The following COG5 variants were observed in gnomAD, a reference collection of about 807,000 sequenced individuals.
COG5 encodes conserved oligomeric Golgi complex subunit 5.
A neutral mutation model predicts 110.4 loss-of-function variants in COG5; 86 were observed. The observed-to-expected ratio is 0.78, with a 90% confidence interval of 0.65 to 0.93. The LOEUF (loss-of-function observed/expected upper bound fraction) is 0.93, where lower values mean the gene tolerates loss of function less well. Ranked by LOEUF, COG5 falls within the 40% of genes least tolerant of loss-of-function variation. The pLI is 0.00. For missense variants in COG5, 1,077 were observed against 987.0 expected (o/e 1.09, Z -1.22); for synonymous variants, 360 against 334.6 (o/e 1.08, Z -0.83).
At chr7:107,438,060 G>GT in intron 6 of COG5, among the ~76,000 whole-genome samples, 1 of 152,128 alleles carries the variant, frequency 6.6e-6, no homozygotes, top group East Asian at 1.9e-4. Flanking sequence ...TTCAACGCCT[G>GT]AAGATAAAGC....
intron 3 of COG5, among the ~76,000 whole-genome samples, chr7:107,550,891 GTTTT>G (rs75923322): frequency 1.0e-3 from 142 of 141,812 alleles, no homozygotes; most frequent in African/African-American, 3.4e-3. Context: ...CTTGTACTTT[GTTTT>G]TTTTTTTTTA....
intron 17 of COG5, among the ~76,000 whole-genome samples, chr7:107,237,068 A>G (rs1562927385): frequency 6.6e-6 from 1 of 152,258 alleles, no homozygotes; most frequent in South Asian, 2.1e-4. Context: ...GAATGCATCA[A>G]TAATGGATCC....
intron 7 of COG5, among the ~76,000 whole-genome samples, chr7:107,411,229 G>A (rs1584787976): frequency 2.0e-5 from 3 of 152,180 alleles, no homozygotes; most frequent in African/African-American, 7.2e-5. Flanking sequence ...TCTTAGGAAG[G>A]TAACTGCCCT....
chr7:107,425,335 T>A (rs1425268029), intron 6 of COG5, among the ~76,000 whole-genome samples: 1 of 145,400 alleles, frequency 6.9e-6, no homozygotes, highest in African/African-American at 2.5e-5. Context: ...GGGGTGAGAC[T>A]CTGTCTCCAA....
At chr7:107,434,173 G>A (rs1243011552) in intron 6 of COG5, among the ~76,000 whole-genome samples, 1 of 152,110 alleles carries the variant, frequency 6.6e-6, no homozygotes, top group Non-Finnish European at 1.5e-5. Context: ...AATAACAACT[G>A]TTGGCAAGGA....
At chr7:107,316,485 CAT>C (rs1015432030) in intron 11 of COG5, among the ~76,000 whole-genome samples, 8 of 151,818 alleles carry the variant, frequency 5.3e-5, no homozygotes, top group Admixed American at 3.9e-4. Flanking sequence ...TAAAGGAAGA[CAT>C]GTGGAGAATA....
intron 21 of COG5, chr7:107,207,841 G>A (rs1236258665): frequency 2.3e-5 from 23 of 985,316 alleles, no homozygotes; most frequent in Non-Finnish European, 2.8e-5. Context: ...AAAACAGGAA[G>A]GCAGGATGGT....
chr7:107,319,094 C>T (rs1809018401), intron 11 of COG5, among the ~76,000 whole-genome samples: 1 of 151,098 alleles, frequency 6.6e-6, no homozygotes, highest in Non-Finnish European at 1.5e-5. Flanking sequence ...TTCTAGTTCA[C>T]TGATTTTTTT....
chr7:107,523,467 CAT>C (rs1439787425), intron 6 of COG5, among the ~76,000 whole-genome samples: 4 of 152,066 alleles, frequency 2.6e-5, no homozygotes, highest in African/African-American at 7.2e-5. Context: ...GACAGTGTAA[CAT>C]GTGTTGGCAT....
chr7:107,486,659 G>A (rs369379485), intron 6 of COG5, among the ~76,000 whole-genome samples: 2 of 152,048 alleles, frequency 1.3e-5, no homozygotes, highest in Admixed American at 6.5e-5. Flanking sequence ...ATAATCCCAG[G>A]ATTTAAAAAA....
chr7:107,379,429 T>C (rs925871508), intron 7 of COG5, among the ~76,000 whole-genome samples: 1 of 151,964 alleles, frequency 6.6e-6, no homozygotes, highest in Admixed American at 6.6e-5. Flanking sequence ...CAATATTAAC[T>C]TTAAAAGTAA....
At chr7:107,555,801 CAG>C (rs778185271) in intron 2 of COG5, among the ~76,000 whole-genome samples, 2 of 152,026 alleles carry the variant, frequency 1.3e-5, no homozygotes, top group Non-Finnish European at 2.9e-5. Context: ...CATTTGAGGT[CAG>C]GAGTTTGAGA....
chr7:107,293,136 A>G (rs1220152269), intron 12 of COG5, among the ~76,000 whole-genome samples: 1 of 152,134 alleles, frequency 6.6e-6, no homozygotes, highest in Non-Finnish European at 1.5e-5. Flanking sequence ...CTTTCAGTTT[A>G]TATTTCCCAG....
intron 6 of COG5, among the ~76,000 whole-genome samples, chr7:107,436,633 T>A (rs548247678): frequency 5.3e-5 from 8 of 152,324 alleles, no homozygotes; most frequent in African/African-American, 1.9e-4. Context: ...GACAAAAAAG[T>A]TCTATTTTAT....
intron 6 of COG5, among the ~76,000 whole-genome samples, chr7:107,459,988 C>T (rs1795890908): frequency 6.6e-6 from 1 of 152,076 alleles, no homozygotes; most frequent in Non-Finnish European, 1.5e-5. Flanking sequence ...AGCCATTAAA[C>T]TAACCTAAAC....
In COG5 at chr7:107,271,242, T is replaced by C. The variant is rs541264052; in HGVS notation, c.1575+10058A>G. On this transcript the variant is annotated intron_variant, in intron 14 of 21. Transcript: ENST00000297135. ...GCCTGGGCAACACAGCAAGACTCCATCCCTTGAAACAAGTGTCTTGGTTAT... is the reference window on the plus strand; with the variant it reads ...GCCTGGGCAACACAGCAAGACTCCACCCCTTGAAACAAGTGTCTTGGTTAT... Among the ~76,000 whole-genome samples the C allele has an allele frequency of 2.6e-5, 4 of 152,064 alleles. No homozygotes were observed. The East Asian group carries it at 7.7e-4, about 29-fold the overall frequency.
intron 11 of COG5, among the ~76,000 whole-genome samples, chr7:107,314,402 C>T (rs1400307276): frequency 6.6e-6 from 1 of 151,998 alleles, no homozygotes; most frequent in Non-Finnish European, 1.5e-5. Flanking sequence ...GATATGTACA[C>T]TTTTTCTTAA....
At chr7:107,523,655 A>T (rs1800499647) in intron 6 of COG5, among the ~76,000 whole-genome samples, 1 of 152,148 alleles carries the variant, frequency 6.6e-6, no homozygotes, top group African/African-American at 2.4e-5. Flanking sequence ...TCTCTACTAA[A>T]TATACAAAAA....
chr7:107,554,167 G>C, intron 3 of COG5, 118 bp downstream of exon 3: 1 of 803,982 alleles, frequency 1.2e-6, no homozygotes, highest in Non-Finnish European at 2.2e-6. Context: ...TTTAGTAGTT[G>C]CAACAGAGAC....
Sources: gnomAD v4.1 joint callset for allele counts (sites outside exome capture counted in the v4.1 genomes callset) on GRCh38, gnomAD v4.1.1 for gene constraint, MANE v1.5 for transcripts, NCBI Gene and HGNC (gene_info 2026-07-23, HGNC 2026-07-21) for gene names.